CLSTN2: variants seen among roughly 807,000 people sequenced by gnomAD.
The protein encoded by CLSTN2 is calsyntenin-2.
In CLSTN2, 48 loss-of-function variants were observed where a neutral mutation model predicts 101.2. The observed-to-expected ratio is 0.47, with a 90% CI of 0.38 to 0.60. The LOEUF is 0.60. Ranked by LOEUF, CLSTN2 falls within the 20% of genes least tolerant of loss-of-function variation. CLSTN2 has a pLI of 0.00. For missense variants in CLSTN2, 1,160 were observed against 1,238.2 expected (o/e 0.94, Z 0.95); for synonymous variants, 481 against 463.6 (o/e 1.04, Z -0.48).
intron 2 of CLSTN2, among the ~76,000 whole-genome samples, chr3:140,322,324 T>C (rs1205679643): frequency 6.6e-6 from 1 of 152,208 alleles, no homozygotes; most frequent in African/African-American, 2.4e-5. Flanking sequence ...TAAACATGTA[T>C]TGAGCACCTA....
intron 1 of CLSTN2, among the ~76,000 whole-genome samples, chr3:139,974,434 T>G (rs192840259): frequency 6.6e-6 from 1 of 152,034 alleles, no homozygotes; most frequent in African/African-American, 2.4e-5. Flanking sequence ...TCCAGGGGAG[T>G]GATATACCAG....
chr3:140,238,755 A>G (rs916798392), intron 2 of CLSTN2, among the ~76,000 whole-genome samples: 2 of 152,158 alleles, frequency 1.3e-5, no homozygotes, highest in African/African-American at 4.8e-5. Flanking sequence ...CCATGTCAAA[A>G]CCATTTTAAT....
chr3:140,018,495 G>A (rs2007244975), intron 1 of CLSTN2, among the ~76,000 whole-genome samples: 1 of 152,212 alleles, frequency 6.6e-6, no homozygotes, highest in Non-Finnish European at 1.5e-5. Flanking sequence ...GCTGCATAGG[G>A]CAGGGTGTAC....
chr3:140,382,002 C>T (rs763349551), intron 2 of CLSTN2, among the ~76,000 whole-genome samples: 3 of 152,164 alleles, frequency 2.0e-5, no homozygotes, highest in Non-Finnish European at 4.4e-5. Context: ...CCTTTCTGTT[C>T]CATAAGAGGA....
intron 1 of CLSTN2, among the ~76,000 whole-genome samples, chr3:140,097,398 A>G (rs1291073987): frequency 6.6e-6 from 1 of 152,108 alleles, no homozygotes; most frequent in Non-Finnish European, 1.5e-5. Context: ...CCCCTGCTTT[A>G]CTTTCAGCCT....
chr3:140,553,457 C>T (rs1010373311), intron 10 of CLSTN2, among the ~76,000 whole-genome samples: 1 of 152,174 alleles, frequency 6.6e-6, no homozygotes, highest in Non-Finnish European at 1.5e-5. Flanking sequence ...TGGAATATTA[C>T]AGTCCACAAA....
chr3:140,543,620 G>T (rs1935529994), intron 9 of CLSTN2, among the ~76,000 whole-genome samples: 1 of 152,192 alleles, frequency 6.6e-6, no homozygotes, highest in Admixed American at 6.5e-5. Context: ...CCCTGCTGGG[G>T]CTCTCCTGCC....
Position 140,345,470 on chromosome 3 carries a change from G to A in CLSTN2, c.233-58159G>A, listed in dbSNP as rs919499197. ...TCACTATGTTGACCAGGCTGGTCTC[G>A]AACTCCTGACCTCAGGCGATCCGCC... On this transcript the variant is annotated intron_variant, in intron 2 of 16. Transcript: ENST00000458420. Among the ~76,000 whole-genome samples, 31 of 151,706 alleles carry A rather than the reference G, an allele frequency of 2.0e-4. 1 individual carries two copies. The highest frequency in any genetic ancestry group is 6.5e-4 in the African/African-American group (27 of 41,294).
intron 8 of CLSTN2, among the ~76,000 whole-genome samples, chr3:140,484,924 A>G (rs1934205449): frequency 6.6e-6 from 1 of 151,840 alleles, no homozygotes; most frequent in South Asian, 2.1e-4. Flanking sequence ...TTTAGCTCAG[A>G]GTAGTTTGAT....
chr3:140,289,178 C>A (rs1019126384), intron 2 of CLSTN2, among the ~76,000 whole-genome samples: 3 of 152,118 alleles, frequency 2.0e-5, no homozygotes, highest in Middle Eastern at 3.2e-3. Context: ...CATCAGAATT[C>A]TATGAGATAA....
chr3:140,408,942 C>T (rs1001930935), intron 4 of CLSTN2, among the ~76,000 whole-genome samples: 2 of 152,232 alleles, frequency 1.3e-5, no homozygotes, highest in African/African-American at 4.8e-5. Context: ...TGGCTCCTAT[C>T]GCTGTACACG....
chr3:140,333,313 G>T (rs780670009), intron 2 of CLSTN2, among the ~76,000 whole-genome samples: 3 of 152,030 alleles, frequency 2.0e-5, no homozygotes, highest in Non-Finnish European at 2.9e-5. Context: ...CCAATAATTC[G>T]CCCTGTGACT....
chr3:140,368,394 C>A (rs918068608), intron 2 of CLSTN2, among the ~76,000 whole-genome samples: 1 of 152,148 alleles, frequency 6.6e-6, no homozygotes, highest in African/African-American at 2.4e-5. Context: ...TTGTTCATTG[C>A]CCTGGGACCT....
chr3:140,058,612 A>T (rs1181095964), intron 1 of CLSTN2, among the ~76,000 whole-genome samples: 2 of 152,166 alleles, frequency 1.3e-5, no homozygotes, highest in African/African-American at 4.8e-5. Flanking sequence ...TCATCTATTC[A>T]AAAGGGCCAA....
At chr3:140,107,460 A>G (rs915740907) in intron 1 of CLSTN2, among the ~76,000 whole-genome samples, 4 of 152,162 alleles carry the variant, frequency 2.6e-5, no homozygotes, top group African/African-American at 9.7e-5. Context: ...GTGGATTTTC[A>G]GGGAAGGGGT....
intron 2 of CLSTN2, among the ~76,000 whole-genome samples, chr3:140,213,742 C>G (rs1424713077): frequency 6.6e-6 from 1 of 152,130 alleles, no homozygotes; most frequent in Non-Finnish European, 1.5e-5. Flanking sequence ...AGGAGGTTAG[C>G]AAGATGGTGG....
At chr3:140,321,906 G>T (rs2087286871) in intron 2 of CLSTN2, among the ~76,000 whole-genome samples, 1 of 152,108 alleles carries the variant, frequency 6.6e-6, no homozygotes, top group Non-Finnish European at 1.5e-5. Flanking sequence ...AGGACTGAAG[G>T]CTGCAGCCTT....
At position 140,575,389 on chromosome 3, in the gene CLSTN2, G is replaced by C. The variant is rs1985701731; in HGVS notation, c.*9136G>C. On this transcript the variant is annotated 3_prime_UTR_variant, in exon 17 of 17. Transcript: ENST00000458420. ...GCATCCAAGTTTGCAAAAAATTATG[G>C]GTAAATCTGGCCATGTGACCAAAGA... is the stretch of plus-strand genomic sequence containing the variant. 1 of 152,132 alleles carries C rather than the reference G, an allele frequency of 6.6e-6. No homozygotes were observed. Among genetic ancestry groups the C allele is most frequent in the South Asian group, 2.1e-4 (1 of 4,814 alleles). 9.4% of individuals were successfully genotyped at this position (152,132 alleles called of 1,614,324 possible).
At chr3:140,328,067 C>T (rs756115354) in intron 2 of CLSTN2, among the ~76,000 whole-genome samples, 27 of 152,232 alleles carry the variant, frequency 1.8e-4, no homozygotes, top group Non-Finnish European at 3.5e-4. Flanking sequence ...TATCCTGATG[C>T]TTCCTTTCAC....
Sources: gnomAD v4.1 joint callset for allele counts (sites outside exome capture counted in the v4.1 genomes callset) on GRCh38, gnomAD v4.1.1 for gene constraint, MANE v1.5 for transcripts, NCBI Gene and HGNC (gene_info 2026-07-23, HGNC 2026-07-21) for gene names.